RBFOX1: variants seen among roughly 807,000 people sequenced by gnomAD.
RBFOX1 encodes RNA binding protein fox-1 homolog 1.
A neutral mutation model predicts 57.7 loss-of-function variants in RBFOX1; 8 were observed. The ratio of observed to expected loss-of-function variants is 0.14; its 90% confidence interval spans 0.08 to 0.25. The LOEUF (loss-of-function observed/expected upper bound fraction) is 0.25. Ranked by LOEUF, RBFOX1 falls within the 10% of genes least tolerant of loss-of-function variation. The pLI is 1.00. For missense variants in RBFOX1, 611 were observed against 548.5 expected (o/e 1.11, Z -1.14); for synonymous variants, 326 against 222.4 (o/e 1.47, Z -4.15).
At position 6,491,394 on chromosome 16, in the gene RBFOX1, C is replaced by T. The variant is rs899910568; in HGVS notation, c.-63-163209C>T. On this transcript the variant is annotated intron_variant, in intron 2 of 15. Coordinates refer to ENST00000550418, the MANE Select transcript of RBFOX1 (RefSeq NM_018723.4). ...TGTATGCCATTAAAAAGAGTGTACC[C>T]AACACTCAGTGAATTTCTGCCCAGT... Among the ~76,000 whole-genome samples, 38 of 152,114 alleles carry T rather than the reference C, an allele frequency of 2.5e-4. 1 individual carries two copies. The highest frequency in any genetic ancestry group is 8.4e-4 in the African/African-American group (35 of 41,496).
chr16:5,769,367 G>A (rs1213296006), intron 3 of RBFOX1, among the ~76,000 whole-genome samples: 1 of 151,796 alleles, frequency 6.6e-6, no homozygotes, highest in Non-Finnish European at 1.5e-5. Flanking sequence ...TGGGCTGGGT[G>A]CAGTGGCTCG....
chr16:5,428,013 C>A (rs77844185), intron 1 of RBFOX1, among the ~76,000 whole-genome samples: 1 of 152,062 alleles, frequency 6.6e-6, no homozygotes, highest in Non-Finnish European at 1.5e-5. Flanking sequence ...CTGGATGCTG[C>A]GGTATTAATT....
intron 4 of RBFOX1, among the ~76,000 whole-genome samples, chr16:7,062,790 CA>C (rs1334064733): frequency 6.6e-6 from 1 of 151,812 alleles, no homozygotes; most frequent in Non-Finnish European, 1.5e-5. Context: ...AGACGGTTCC[CA>C]GGGCTAGACC....
At chr16:6,107,867 T>C (rs2096401261) in intron 1 of RBFOX1, among the ~76,000 whole-genome samples, 1 of 152,190 alleles carries the variant, frequency 6.6e-6, no homozygotes, top group Non-Finnish European at 1.5e-5. Flanking sequence ...GTTGATTCTA[T>C]TAATTTATGC....
chr16:6,679,170 G>C (rs561435060), intron 3 of RBFOX1, among the ~76,000 whole-genome samples: 7 of 152,192 alleles, frequency 4.6e-5, no homozygotes, highest in Non-Finnish European at 1.0e-4. Flanking sequence ...CACCCATTCA[G>C]TCTGAGTCTC....
chr16:7,367,695 T>A (rs916398010), intron 4 of RBFOX1, among the ~76,000 whole-genome samples: 1 of 152,150 alleles, frequency 6.6e-6, no homozygotes. Flanking sequence ...ATCCCATCTG[T>A]TCTATCTAAA....
At position 7,227,219 on chromosome 16, in the gene RBFOX1, A is replaced by C. The variant is rs118111678; in HGVS notation, c.27+175121A>C. Among the ~76,000 whole-genome samples the C allele has an allele frequency of 1.6e-4, 24 of 151,966 alleles. 1 individual carries two copies. In the East Asian group the frequency reaches 4.1e-3, roughly 26 times the overall value. On this transcript the variant is annotated intron_variant, in intron 4 of 15. Transcript: ENST00000550418. ...ATTCCATTCTTCTTTAACTGTTGCAAAACATGCCATGTGCTCTATCTGTAT... is the reference window on the plus strand; with the variant it reads ...ATTCCATTCTTCTTTAACTGTTGCACAACATGCCATGTGCTCTATCTGTAT...
At chr16:7,191,390 T>C (rs2152633530) in intron 4 of RBFOX1, among the ~76,000 whole-genome samples, 1 of 151,788 alleles carries the variant, frequency 6.6e-6, no homozygotes, top group South Asian at 2.1e-4. Context: ...TGCTTTACAA[T>C]ACACTGTGAC....
intron 2 of RBFOX1, among the ~76,000 whole-genome samples, chr16:6,512,421 C>T (rs530688864): frequency 4.1e-4 from 62 of 152,048 alleles, no homozygotes; most frequent in African/African-American, 1.4e-3. Context: ...GAATGCGTTG[C>T]ATTCAGGCCT....
Position 5,785,252 on chromosome 16 carries a change from A to G in RBFOX1, c.319-82051A>G, listed in dbSNP as rs11864562. Among the ~76,000 whole-genome samples the G allele has an allele frequency of 4.4e-3, 669 of 152,242 alleles. 5 individuals are homozygous for G. The highest frequency in any genetic ancestry group is 0.015 in the African/African-American group (631 of 41,560). ...CCTCAGTGGGATTGCAGTATGTTCA[A>G]CCTCAACTAAGGAACTTAAATGGTA... On this transcript the variant is annotated intron_variant, in intron 3 of 19. Coordinates refer to the RBFOX1 transcript ENST00000641259.
intron 4 of RBFOX1, among the ~76,000 whole-genome samples, chr16:7,105,915 C>CT (rs2063504930): frequency 6.6e-6 from 1 of 152,056 alleles, no homozygotes; most frequent in Non-Finnish European, 1.5e-5. Flanking sequence ...TATACGTAGA[C>CT]AATAGATGCT....
chr16:7,673,071 A>T (rs2146214482), intron 13 of RBFOX1, among the ~76,000 whole-genome samples: 1 of 152,140 alleles, frequency 6.6e-6, no homozygotes, highest in Admixed American at 6.5e-5. Flanking sequence ...AAGCTGATTT[A>T]CTTTCCTATG....
chr16:6,790,773 A>T (rs551502806), intron 3 of RBFOX1, among the ~76,000 whole-genome samples: 3 of 152,184 alleles, frequency 2.0e-5, no homozygotes, highest in Non-Finnish European at 4.4e-5. Flanking sequence ...TCAAAAGCTC[A>T]GGATGGGAAA....
At chr16:6,355,822 C>T (rs766247337) in intron 2 of RBFOX1, among the ~76,000 whole-genome samples, 5 of 152,170 alleles carry the variant, frequency 3.3e-5, no homozygotes, top group Admixed American at 6.5e-5. Flanking sequence ...TTAATGTTCG[C>T]CCTTCGTATT....
chr16:7,613,459 C>A (rs1397695486), intron 10 of RBFOX1, among the ~76,000 whole-genome samples: 1 of 152,084 alleles, frequency 6.6e-6, no homozygotes, highest in Non-Finnish European at 1.5e-5. Context: ...TGATTATATC[C>A]ATTTCAGAAA....
chr16:6,360,757 T>G (rs2088317058), intron 2 of RBFOX1, among the ~76,000 whole-genome samples: 1 of 152,190 alleles, frequency 6.6e-6, no homozygotes, highest in South Asian at 2.1e-4. Flanking sequence ...ATTCATTTGT[T>G]TTTCTCAGAT....
At chr16:6,991,742 G>A (rs192169576) in intron 3 of RBFOX1, among the ~76,000 whole-genome samples, 1 of 152,078 alleles carries the variant, frequency 6.6e-6, no homozygotes, top group Non-Finnish European at 1.5e-5. Context: ...TCACCATGTT[G>A]CCCAGGCTGG....
chr16:7,265,612 C>G (rs981261916), intron 4 of RBFOX1, among the ~76,000 whole-genome samples: 8 of 152,022 alleles, frequency 5.3e-5, no homozygotes, highest in Non-Finnish European at 1.5e-5. Flanking sequence ...CCACGCCTGG[C>G]TAATTTTTGT....
chr16:5,732,807 C>G (rs1012856727), intron 3 of RBFOX1, among the ~76,000 whole-genome samples: 1 of 152,068 alleles, frequency 6.6e-6, no homozygotes, highest in South Asian at 2.1e-4. Context: ...GTTCTCTGCC[C>G]TCATGAATAT....
Sources: allele counts gnomAD v4.1 joint callset (sites outside exome capture counted in the v4.1 genomes callset), GRCh38; gene constraint gnomAD v4.1.1; transcripts MANE v1.5; gene names NCBI Gene and HGNC (gene_info 2026-07-23, HGNC 2026-07-21).